The following LINGO1 variants were observed in gnomAD, a reference collection of about 807,000 sequenced individuals.
LINGO1 encodes the protein leucine rich repeat and Ig domain containing 1, also known as leucine-rich repeat and immunoglobulin-like domain-containing nogo receptor-interacting protein 1.
In LINGO1, 11 loss-of-function variants were observed where a neutral mutation model predicts 37.3. The ratio of observed to expected loss-of-function variants is 0.29; its 90% CI spans 0.19 to 0.49. The LOEUF (loss-of-function observed/expected upper bound fraction) is 0.49, where lower values mean the gene tolerates loss of function less well. Ranked by LOEUF, LINGO1 falls within the 20% of genes least tolerant of loss-of-function variation. The pLI, the probability that LINGO1 is intolerant of heterozygous loss-of-function variation, is 0.99. For synonymous variants in LINGO1, 387 were observed against 403.0 expected (o/e 0.96, Z 0.48); for missense variants, 585 against 878.2 (o/e 0.67, Z 4.22).
At chr15:77,662,960 G>A (rs934882735) in intron 3 of LINGO1, among the ~76,000 whole-genome samples, 2 of 152,270 alleles carry the variant, frequency 1.3e-5, no homozygotes, top group East Asian at 1.9e-4. Context: ...GAAGGAAGCC[G>A]GTGCTTCACC....
At chr15:77,724,448 G>A (rs772961358) in intron 2 of LINGO1, among the ~76,000 whole-genome samples, 60 of 152,302 alleles carry the variant, frequency 3.9e-4, no homozygotes, top group Admixed American at 1.2e-3. Flanking sequence ...TTCAGAAGAC[G>A]CAACTAATGT....
Position 77,632,513 on chromosome 15 carries a change from G to A in LINGO1, c.-198C>T, listed in dbSNP as rs906503107. The stretch of plus-strand genomic sequence containing the variant: ...CGCGGGCGGGAGCCGAGCCGGAGCC[G>A]GGGCCGGGGCTCGGGAGTGGGGAGG... On this transcript the variant is annotated 5_prime_UTR_variant, in exon 1 of 2. Transcript: ENST00000355300. The surrounding 1 kb of genome is among the most constrained non-coding windows in gnomAD (Gnocchi z 6.0). The A allele has an allele frequency of 1.3e-4, 51 of 386,434 alleles. No homozygotes were observed. Among genetic ancestry groups the A allele is most frequent in the African/African-American group, 9.4e-4 (44 of 46,912 alleles). 23.9% of individuals were successfully genotyped at this position (386,434 alleles called of 1,614,324 possible).
chr15:77,710,344 C>T (rs998449414), intron 2 of LINGO1, among the ~76,000 whole-genome samples: 10 of 152,336 alleles, frequency 6.6e-5, no homozygotes, highest in South Asian at 2.1e-4. Context: ...GGCAGAGGGA[C>T]GTGAGGAATG....
chr15:77,649,561 T>C (rs1567489194), intron 3 of LINGO1, among the ~76,000 whole-genome samples: 1 of 151,538 alleles, frequency 6.6e-6, no homozygotes, highest in Non-Finnish European at 1.5e-5. Context: ...AGAGAGTGAT[T>C]TGGAGGAGGA....
intron 2 of LINGO1, among the ~76,000 whole-genome samples, chr15:77,718,597 C>T (rs1034524048): frequency 1.5e-4 from 22 of 151,004 alleles, no homozygotes; most frequent in African/African-American, 5.3e-4. Flanking sequence ...TATCGGACCC[C>T]AGAGATGCAC....
At chr15:77,689,798 A>G (rs1448072866) in intron 2 of LINGO1, among the ~76,000 whole-genome samples, 1 of 152,154 alleles carries the variant, frequency 6.6e-6, no homozygotes, top group Non-Finnish European at 1.5e-5. Flanking sequence ...CTGATCAACA[A>G]TACACCCTTC....
intron 1 of LINGO1, among the ~76,000 whole-genome samples, chr15:77,625,730 C>T (rs1416740764): frequency 6.6e-6 from 1 of 152,148 alleles, no homozygotes; most frequent in Non-Finnish European, 1.5e-5. Flanking sequence ...CAGTCAGACT[C>T]CCAGCTGTCC....
At chr15:77,734,972 A>T (rs933599499) in intron 2 of LINGO1, 1 of 152,248 alleles carries the variant, frequency 6.6e-6, no homozygotes, top group Admixed American at 6.5e-5. Flanking sequence ...ACCAACACAG[A>T]CAGCAGCTGC....
intron 1 of LINGO1, among the ~76,000 whole-genome samples, chr15:77,769,856 C>T (rs2076566884): frequency 6.6e-6 from 1 of 152,206 alleles, no homozygotes; most frequent in South Asian, 2.1e-4. Context: ...CCATGTCCTA[C>T]ACGTGCAGCA....
At chr15:77,697,544 G>A (rs910653307), upstream of LINGO1, among the ~76,000 whole-genome samples, 1 of 152,186 alleles carries the variant, frequency 6.6e-6, no homozygotes, top group African/African-American at 2.4e-5. Flanking sequence ...AGTTCCCACA[G>A]CCTGGGGGAG....
At chr15:77,760,532 C>T (rs1254574627) in intron 1 of LINGO1, among the ~76,000 whole-genome samples, 1 of 152,246 alleles carries the variant, frequency 6.6e-6, no homozygotes, top group African/African-American at 2.4e-5. Flanking sequence ...ACAGGGCCTG[C>T]ATTTATTTCC....
chr15:77,686,040 G>A (rs2075504311), intron 2 of LINGO1, among the ~76,000 whole-genome samples: 1 of 152,168 alleles, frequency 6.6e-6, no homozygotes, highest in African/African-American at 2.4e-5. Context: ...GGAAGCAGCT[G>A]GAGCATGGCA....
chr15:77,726,406 G>A (rs1211647671), intron 2 of LINGO1, among the ~76,000 whole-genome samples: 1 of 152,198 alleles, frequency 6.6e-6, no homozygotes, highest in Non-Finnish European at 1.5e-5. Flanking sequence ...AAGACTCAGG[G>A]CCAGAGCAAT....
At chr15:77,785,849 T>C (rs2076765589) in intron 1 of LINGO1, among the ~76,000 whole-genome samples, 1 of 152,136 alleles carries the variant, frequency 6.6e-6, no homozygotes, top group Admixed American at 6.5e-5. Context: ...TTCTCCTTGA[T>C]CCCTCTAACT....
chr15:77,688,918 C>T (rs1054476535), intron 2 of LINGO1, among the ~76,000 whole-genome samples: 6 of 152,192 alleles, frequency 3.9e-5, no homozygotes, highest in Admixed American at 6.5e-5. Context: ...GGTGCTGGGA[C>T]GCAGTGACTA....
Position 77,776,517 on chromosome 15 carries a change from G to T in LINGO1, c.-257+10352C>A, listed in dbSNP as rs1372260504. On this transcript the variant is annotated intron_variant, in intron 1 of 3. Transcript: ENST00000561686. ...GGAAGGCAGGAAGGCAGGAAGGCAG[G>T]AAGGGAGGAAGGGAGGGAGGGAGGG... 3.5e-3 allele frequency among the ~76,000 whole-genome samples: 330 copies of T among 94,622 alleles called. 4 individuals carry two copies. The highest frequency in any genetic ancestry group is 0.011 in the African/African-American group (266 of 23,918). 62.1% of individuals were successfully genotyped at this position (94,622 alleles called of 152,430 possible). A position where few individuals can be genotyped will look rare whatever the true frequency, so the allele number is the denominator to read the frequency against.
chr15:77,670,584 A>T (rs1180479960), intron 3 of LINGO1, among the ~76,000 whole-genome samples: 1 of 152,256 alleles, frequency 6.6e-6, no homozygotes, highest in Non-Finnish European at 1.5e-5. Context: ...CACCATGTTA[A>T]CACAGGGCAC....
chr15:77,771,619 C>A (rs2076586458), intron 1 of LINGO1, among the ~76,000 whole-genome samples: 1 of 152,220 alleles, frequency 6.6e-6, no homozygotes, highest in African/African-American at 2.4e-5. Context: ...CCACCAAGTT[C>A]CGTAGATAAG....
intron 1 of LINGO1, among the ~76,000 whole-genome samples, chr15:77,813,535 C>G (rs1333427127): frequency 6.6e-6 from 1 of 152,136 alleles, no homozygotes; most frequent in Non-Finnish European, 1.5e-5. Flanking sequence ...CCATGGTTTC[C>G]ACCAGGCTGC....
Sources: gnomAD v4.1 joint callset for allele counts (sites outside exome capture counted in the v4.1 genomes callset) on GRCh38, gnomAD v4.1.1 for gene constraint, Gnocchi (gnomAD v3.1) non-coding constraint, MANE v1.5 for transcripts, NCBI Gene and HGNC (gene_info 2026-07-23, HGNC 2026-07-21) for gene names.